Variants in FLACC1 observed in about 807,000 individuals in gnomAD.
The protein encoded by FLACC1 is flagellum-associated coiled-coil domain-containing protein 1.
A neutral mutation model predicts 62.8 loss-of-function variants in FLACC1; 66 were observed. The ratio of observed to expected loss-of-function variants is 1.05; its 90% CI spans 0.86 to 1.29. The LOEUF (loss-of-function observed/expected upper bound fraction) is 1.29, where lower values mean the gene tolerates loss of function less well. Among genes scored for constraint, FLACC1 ranks in the 50% most tolerant of loss-of-function variants. The pLI, the probability that FLACC1 is intolerant of heterozygous loss-of-function variation, is 0.00. For synonymous variants in FLACC1, 156 were observed against 161.0 expected, an observed-to-expected ratio of 0.97 and a Z score of 0.24; for missense variants, 452 against 489.1, an observed-to-expected ratio of 0.92 and a Z score of 0.71.
intron 7 of FLACC1, among the ~76,000 whole-genome samples, chr2:201,335,786 T>C (rs1950683461): frequency 1.3e-5 from 2 of 152,186 alleles, no homozygotes; most frequent in Admixed American, 1.3e-4. Flanking sequence ...TAAACAATAT[T>C]AATTCTTCCA....
rs1035928493 is a variant in FLACC1 at position 201,334,353 on chromosome 2, T to C, written c.525-3520A>G. 2.0e-5 allele frequency among the ~76,000 whole-genome samples: 3 copies of C among 152,352 alleles called. No homozygotes were observed. The East Asian group carries it at 5.8e-4, about 29-fold the overall frequency. ...ATCATGGTGGATGATCCTTTCAATATGTTGCTGAATTCTGTTTGCTAATAT... is the reference window on the plus strand; with the variant it reads ...ATCATGGTGGATGATCCTTTCAATACGTTGCTGAATTCTGTTTGCTAATAT... On this transcript the variant is annotated intron_variant, in intron 7 of 14. Coordinates refer to ENST00000392257, the MANE Select transcript of FLACC1 (RefSeq NM_001127391.3).
At chr2:201,357,573 AG>A (rs1951140324), upstream of FLACC1, among the ~76,000 whole-genome samples, 1 of 152,244 alleles carries the variant, frequency 6.6e-6, no homozygotes, top group Non-Finnish European at 1.5e-5. Context: ...GGGACAAAAA[AG>A]TTTAAGATAT....
intron 4 of FLACC1, among the ~76,000 whole-genome samples, chr2:201,347,480 T>TA (rs1950938788): frequency 6.6e-6 from 1 of 152,186 alleles, no homozygotes; most frequent in African/African-American, 2.4e-5. Flanking sequence ...TGCTTGTATA[T>TA]TTTTTTCCCT....
upstream of FLACC1, among the ~76,000 whole-genome samples, chr2:201,361,208 T>A (rs1203258989): frequency 6.6e-6 from 1 of 152,218 alleles, no homozygotes; most frequent in Non-Finnish European, 1.5e-5. Context: ...TCTCAGGGAA[T>A]GCTTCACCAC....
chr2:201,346,377 GCAT>G lies in FLACC1; in HGVS notation c.368+162_368+164del, dbSNP rs1950914250. ...AGCAGAGAGGCAGATGTGGAGAGATGCATCATCAGGAAGCAGGGGCGAGGAGGG... is the reference window on the plus strand; with the variant it reads ...AGCAGAGAGGCAGATGTGGAGAGATGCATCAGGAAGCAGGGGCGAGGAGGG... On this transcript the variant is annotated intron_variant, in intron 5 of 14. Coordinates refer to ENST00000392257, the MANE Select transcript of FLACC1 (RefSeq NM_001127391.3). This position sits in a 1 kb window ranked among gnomAD's most constrained non-coding sequence, Gnocchi z 4.0. 6.6e-6 allele frequency among the ~76,000 whole-genome samples: 1 copy of G among 152,182 alleles called. No homozygotes were observed. Among genetic ancestry groups the G allele is most frequent in the Admixed American group, 6.5e-5 (1 of 15,292 alleles).
At chr2:201,359,075 G>A (rs1409057097), upstream of FLACC1, among the ~76,000 whole-genome samples, 1 of 152,230 alleles carries the variant, frequency 6.6e-6, no homozygotes, top group East Asian at 1.9e-4. Flanking sequence ...GGGACCTGAC[G>A]ATGGCCCTGA....
At chr2:201,290,189 T>C (rs1331961616) in intron 12 of FLACC1, among the ~76,000 whole-genome samples, 1 of 152,164 alleles carries the variant, frequency 6.6e-6, no homozygotes, top group Non-Finnish European at 1.5e-5. Flanking sequence ...AACTATTCTG[T>C]ATGACACTAT....
chr2:201,321,481 C>T (rs1488348467), intron 9 of FLACC1, among the ~76,000 whole-genome samples: 2 of 152,176 alleles, frequency 1.3e-5, no homozygotes, highest in African/African-American at 4.8e-5. Context: ...ACCCAACAGA[C>T]AGACAACCCC....
In FLACC1 at chr2:201,288,496, C is replaced by T; in HGVS notation, c.*159G>A. ...AGAGTCCGTGATAAGCTGTGAAATT[C>T]AGATGCGAATTCAAACATTTTCAGA... On this transcript the variant is annotated 3_prime_UTR_variant, in exon 15 of 15. Coordinates refer to ENST00000392257, the MANE Select transcript of FLACC1 (RefSeq NM_001127391.3). 1.2e-6 allele frequency: 1 copy of T among 839,402 alleles called. No homozygotes were observed. Among genetic ancestry groups the T allele is most frequent in the Non-Finnish European group, 1.8e-6 (1 of 565,196 alleles). 52.0% of individuals were successfully genotyped at this position (839,402 alleles called of 1,614,324 possible).
intron 11 of FLACC1, among the ~76,000 whole-genome samples, chr2:201,305,988 A>T (rs1950096903): frequency 6.6e-6 from 1 of 152,078 alleles, no homozygotes; most frequent in African/African-American, 2.4e-5. Context: ...AATGTAAATG[A>T]TGAGTTAATG....
intron 9 of FLACC1, among the ~76,000 whole-genome samples, chr2:201,311,230 G>A (rs1950212065): frequency 6.6e-6 from 1 of 150,990 alleles, no homozygotes; most frequent in South Asian, 2.1e-4. Flanking sequence ...AGAAGAACTG[G>A]TACCAATTCT....
At chr2:201,338,308 T>C (rs1950736222) in intron 7 of FLACC1, among the ~76,000 whole-genome samples, 2 of 152,210 alleles carry the variant, frequency 1.3e-5, no homozygotes, top group Admixed American at 1.3e-4. Context: ...ATGGAGTTTT[T>C]TTGTGATTTT....
intron 7 of FLACC1, among the ~76,000 whole-genome samples, chr2:201,338,921 G>A (rs1269690162): frequency 6.6e-6 from 1 of 152,128 alleles, no homozygotes; most frequent in Non-Finnish European, 1.5e-5. Flanking sequence ...GGTAATGCTG[G>A]CCTCACAGAA....
chr2:201,358,313 G>A (rs563929846), upstream of FLACC1, among the ~76,000 whole-genome samples: 1 of 152,278 alleles, frequency 6.6e-6, no homozygotes, highest in East Asian at 1.9e-4. Context: ...TGCATGCATA[G>A]CTCACTGCAG....
At chr2:201,360,406 C>T (rs1471024453), upstream of FLACC1, among the ~76,000 whole-genome samples, 2 of 152,218 alleles carry the variant, frequency 1.3e-5, no homozygotes, top group Non-Finnish European at 2.9e-5. Flanking sequence ...TGTGATGCTG[C>T]AGCATTCACG....
intron 1 of FLACC1, among the ~76,000 whole-genome samples, chr2:201,354,358 C>A (rs1411854675): frequency 2.0e-5 from 3 of 152,148 alleles, no homozygotes; most frequent in African/African-American, 7.2e-5. Context: ...GAGACCTGGC[C>A]TTGGAAGAAA....
chr2:201,335,662 T>C (rs535721477), intron 7 of FLACC1, among the ~76,000 whole-genome samples: 1 of 152,310 alleles, frequency 6.6e-6, no homozygotes, highest in African/African-American at 2.4e-5. Flanking sequence ...TTTGGGGACT[T>C]TGTGGGTCCA....
chr2:201,341,869 T>C (rs1950817330), intron 7 of FLACC1, among the ~76,000 whole-genome samples: 1 of 152,210 alleles, frequency 6.6e-6, no homozygotes, highest in South Asian at 2.1e-4. Context: ...TCTGTCTTTC[T>C]GTATTTGGAC....
At chr2:201,331,951 G>A (rs777740268) in intron 7 of FLACC1, among the ~76,000 whole-genome samples, 1 of 152,140 alleles carries the variant, frequency 6.6e-6, no homozygotes, top group African/African-American at 2.4e-5. Flanking sequence ...ATGTGTGTGA[G>A]GGGGCAGTAA....
Sources: gnomAD v4.1 joint callset for allele counts (sites outside exome capture counted in the v4.1 genomes callset) on GRCh38, gnomAD v4.1.1 for gene constraint, Gnocchi (gnomAD v3.1) non-coding constraint, MANE v1.5 for transcripts, NCBI Gene and HGNC (gene_info 2026-07-23, HGNC 2026-07-21) for gene names.